FOXK1: variants seen among roughly 807,000 people sequenced by gnomAD.
The protein encoded by FOXK1 is forkhead box protein K1.
Under a neutral mutation model 51.9 loss-of-function variants are expected in FOXK1, and 19 were observed. That is an observed-to-expected ratio of 0.37 (90% CI 0.26 to 0.54). The LOEUF (loss-of-function observed/expected upper bound fraction) is 0.54. Among genes scored for constraint, FOXK1 ranks in the 20% least tolerant of loss-of-function variants. The pLI is 0.87. For synonymous variants in FOXK1, 537 were observed against 482.6 expected, an observed-to-expected ratio of 1.11 and a Z score of -1.48; for missense variants, 870 against 1,032.7, an observed-to-expected ratio of 0.84 and a Z score of 2.16.
intron 1 of FOXK1, among the ~76,000 whole-genome samples, chr7:4,694,439 A>G (rs558226847): frequency 2.6e-5 from 4 of 152,180 alleles, no homozygotes; most frequent in Non-Finnish European, 4.4e-5. Context: ...TACACAGAGA[A>G]TAAAAGCAAT....
chr7:4,722,217 C>T lies in FOXK1; in HGVS notation c.561-18621C>T, dbSNP rs189943954. Reference sequence around the variant, plus strand: ...TGCTGGATTTCACGTCCACGGCCGCCTGGAAATAAATGCCAGCACCGTGCA... The same window carrying T: ...TGCTGGATTTCACGTCCACGGCCGCTTGGAAATAAATGCCAGCACCGTGCA... On this transcript the variant is annotated intron_variant, in intron 1 of 8. Transcript: ENST00000328914. The surrounding 1 kb of genome is among the most constrained non-coding windows in gnomAD (Gnocchi z 5.1). Among the ~76,000 whole-genome samples the T allele has an allele frequency of 6.2e-4, 94 of 152,346 alleles. No individual in the cohort carries two copies. The highest frequency in any genetic ancestry group is 2.3e-3 in the African/African-American group (94 of 41,578).
chr7:4,708,210 G>C (rs537158845), intron 1 of FOXK1, among the ~76,000 whole-genome samples: 1 of 152,290 alleles, frequency 6.6e-6, no homozygotes, highest in East Asian at 1.9e-4. Flanking sequence ...TGGTGCTGAT[G>C]CTGTGTGGCT....
rs1363120983 is a variant in FOXK1, at chr7:4,682,487, T to C, written c.179T>C (p.Leu60Pro). 3 of 1,004,470 alleles carry C rather than the reference T, an allele frequency of 3.0e-6. No individual in the cohort carries two copies. Among genetic ancestry groups the C allele is most frequent in the Non-Finnish European group, 3.6e-6 (3 of 844,624 alleles). 62.2% of individuals were successfully genotyped at this position (1,004,470 alleles called of 1,614,324 possible). A position where few individuals can be genotyped will look rare whatever the true frequency, so the allele number is the denominator to read the frequency against. ...CCGCCGCCGCCGCCGCCACCGCCGC[T>C]GCCTCCGGGCGCGATCGCGGGCGCG... is the stretch of plus-strand genomic sequence containing the variant. ...PGPPPPPPPPLPPGAIAGAGS... is the reference protein window; with the variant it reads ...PGPPPPPPPPPPPGAIAGAGS... Residue 60 changes from leucine (L) to proline (P), a missense_variant, in exon 1 of 9, where the codon CTG becomes CCG. Physicochemically the swap from Leu to Pro is moderately conservative, Grantham distance 98 (BLOSUM62 -3). Transcript: ENST00000328914. The surrounding 1 kb of genome is among the most constrained non-coding windows in gnomAD (Gnocchi z 7.6).
chr7:4,691,490 A>G (rs1015229198), intron 1 of FOXK1, among the ~76,000 whole-genome samples: 2 of 152,056 alleles, frequency 1.3e-5, no homozygotes, highest in African/African-American at 4.8e-5. Flanking sequence ...GCCTGCCACC[A>G]CGCCCAGCTA....
At chr7:4,741,620 C>T (rs1191983066) in intron 2 of FOXK1, among the ~76,000 whole-genome samples, 1 of 152,240 alleles carries the variant, frequency 6.6e-6, no homozygotes, top group Non-Finnish European at 1.5e-5. Context: ...CGTGAGCCAC[C>T]GCGCACGGCT....
chr7:4,689,999 G>C (rs1042776360), intron 1 of FOXK1, among the ~76,000 whole-genome samples: 1 of 152,222 alleles, frequency 6.6e-6, no homozygotes, highest in African/African-American at 2.4e-5. Flanking sequence ...TGAAAACTCA[G>C]GTGGTGCTGT....
Position 4,749,060 on chromosome 7 carries a change from TTCTC to T in FOXK1, c.747-5393_747-5390del, listed in dbSNP as rs1330414799. On this transcript the variant is annotated intron_variant, in intron 2 of 8. Transcript: ENST00000328914. The surrounding 1 kb of genome is among the most constrained non-coding windows in gnomAD (Gnocchi z 6.0). ...GAGTCTCTCATGCCTCTCCTTTCCT[TTCTC>T]TCTCTACTTTCTGAGGGATTTTCTC... 4.6e-5 allele frequency among the ~76,000 whole-genome samples: 7 copies of T among 152,306 alleles called. No homozygotes were observed. Among genetic ancestry groups the T allele is most frequent in the Non-Finnish European group, 8.8e-5 (6 of 68,008 alleles).
intron 1 of FOXK1, among the ~76,000 whole-genome samples, chr7:4,740,172 TG>T (rs1382398674): frequency 2.0e-5 from 3 of 152,148 alleles, no homozygotes; most frequent in African/African-American, 7.2e-5. Flanking sequence ...GGCTCACGCC[TG>T]TAATCCCAGC....
Position 4,682,479 on chromosome 7 carries a change from A to G in FOXK1, c.171A>G (p.Pro57=), listed in dbSNP as rs952995240. 3 of 992,498 alleles carry G rather than the reference A, an allele frequency of 3.0e-6. No individual in the cohort carries two copies. The highest frequency in any genetic ancestry group is 1.8e-5 in the African/African-American group (1 of 56,700). 61.5% of individuals were successfully genotyped at this position (992,498 alleles called of 1,614,324 possible). ...QPPPGPPPPP[P]PPLPPGAIAG... is the part of the protein sequence containing the mutation. Reference sequence around the variant, plus strand: ...CGCCCGGGCCGCCGCCGCCGCCGCCACCGCCGCTGCCTCCGGGCGCGATCG... The same window carrying G: ...CGCCCGGGCCGCCGCCGCCGCCGCCGCCGCCGCTGCCTCCGGGCGCGATCG... The change falls in exon 1 of 9, where the codon CCA becomes CCG. Residue 57 remains proline, a synonymous_variant. Coordinates refer to ENST00000328914, the MANE Select transcript of FOXK1 (RefSeq NM_001037165.2). The surrounding 1 kb of genome is among the most constrained non-coding windows in gnomAD (Gnocchi z 7.6).
intron 5 of FOXK1, among the ~76,000 whole-genome samples, chr7:4,757,608 T>TGGGCGACA (rs1199016017): frequency 8.9e-6 from 1 of 111,826 alleles, no homozygotes; most frequent in African/African-American, 3.6e-5. Flanking sequence ...CACTGCAGCC[T>TGGGCGACA]GGGCGACAAG....
In FOXK1 at chr7:4,682,978, A is replaced by AC. The variant is rs1430207824; in HGVS notation, c.560+116dup. On this transcript the variant is annotated intron_variant, in intron 1 of 8. Coordinates refer to ENST00000328914, the MANE Select transcript of FOXK1 (RefSeq NM_001037165.2). The surrounding 1 kb of genome is among the most constrained non-coding windows in gnomAD (Gnocchi z 7.6). ...TCCAGCTTCCTCGGCCTCGACCCCCACCCCCCGGCCCACCCCCGGTAACCC... is the reference window on the plus strand; with the variant it reads ...TCCAGCTTCCTCGGCCTCGACCCCCACCCCCCCGGCCCACCCCCGGTAACCC... 209 of 976,278 alleles carry AC rather than the reference A, an allele frequency of 2.1e-4. 3 individuals are homozygous for AC. In the Middle Eastern group the frequency reaches 3.9e-3, roughly 18 times the overall value. 60.5% of individuals were successfully genotyped at this position (976,278 alleles called of 1,614,324 possible).
chr7:4,761,298 T>C lies in FOXK1; in HGVS notation c.1921+10T>C, dbSNP rs114866460. The C allele has an allele frequency of 4.6e-3, 7,375 of 1,608,552 alleles. 247 individuals carry two copies. In the African/African-American group the frequency reaches 0.083, roughly 18 times the overall value. On this transcript the variant is annotated intron_variant, in intron 8 of 8. Transcript: ENST00000328914. This position sits in a 1 kb window ranked among gnomAD's most constrained non-coding sequence, Gnocchi z 6.2. The stretch of plus-strand genomic sequence containing the variant: ...GCCGGCAACGCTTACGGTGAGGCCC[T>C]GGCCCTGTTCTCCATGCCACATCCC...
chr7:4,716,336 C>CA (rs1310193155), intron 1 of FOXK1, among the ~76,000 whole-genome samples: 1 of 151,244 alleles, frequency 6.6e-6, no homozygotes, highest in Non-Finnish European at 1.5e-5. Context: ...CCTGTTTCTA[C>CA]AAAAAAAAAT....
At position 4,762,305 on chromosome 7, in the gene FOXK1, C is replaced by G. The variant is rs1420746466; in HGVS notation, c.2043C>G (p.Thr681=). 4 of 1,550,346 alleles carry G rather than the reference C, an allele frequency of 2.6e-6. No individual in the cohort carries two copies. The Admixed American group carries it at 5.9e-5, about 23-fold the overall frequency. ...EPAAAVAATA[T]TTPATATTAS... ...CAGCAGCCGTCGCGGCCACGGCCAC[C>G]ACCACCCCAGCCACTGCCACCACCG... Residue 681 remains threonine, a synonymous_variant, in exon 9 of 9, where the codon ACC becomes ACG. Transcript: ENST00000328914. The surrounding 1 kb of genome is among the most constrained non-coding windows in gnomAD (Gnocchi z 5.7).
At chr7:4,725,130 G>T (rs932117103) in intron 1 of FOXK1, among the ~76,000 whole-genome samples, 1 of 152,254 alleles carries the variant, frequency 6.6e-6, no homozygotes, top group African/African-American at 2.4e-5. Context: ...CCACTGTGCT[G>T]TGCTCTCTCG....
Position 4,747,828 on chromosome 7 carries a change from T to C in FOXK1, c.747-6631T>C, listed in dbSNP as rs1780725203. On this transcript the variant is annotated intron_variant, in intron 2 of 8. Transcript: ENST00000328914. The surrounding 1 kb of genome is among the most constrained non-coding windows in gnomAD (Gnocchi z 9.2). ...TACAAGCCTGGGCCTGTTTTTGTTG[T>C]GGTTGTTGTTGCCTTTGTTGTTTTT... Among the ~76,000 whole-genome samples the C allele has an allele frequency of 6.6e-6, 1 of 152,086 alleles. No individual in the cohort carries two copies. The highest frequency in any genetic ancestry group is 1.5e-5 in the Non-Finnish European group (1 of 68,008).
intron 1 of FOXK1, among the ~76,000 whole-genome samples, chr7:4,687,746 A>G (rs1779839666): frequency 1.3e-5 from 2 of 152,202 alleles, no homozygotes; most frequent in South Asian, 2.1e-4. Context: ...GTATTTTTAT[A>G]GTAAATGTGG....
intron 1 of FOXK1, among the ~76,000 whole-genome samples, chr7:4,717,999 G>A (rs922560183): frequency 2.7e-5 from 4 of 149,214 alleles, no homozygotes; most frequent in African/African-American, 1.0e-4. Context: ...TACTCCCCCT[G>A]TGTGCCATTT....
chr7:4,699,291 T>G (rs1462458216), intron 1 of FOXK1, among the ~76,000 whole-genome samples: 1 of 151,584 alleles, frequency 6.6e-6, no homozygotes, highest in Non-Finnish European at 1.5e-5. Context: ...GTTAGTTTTT[T>G]TTTTTTTTTT....
Sources: allele counts gnomAD v4.1 joint callset (sites outside exome capture counted in the v4.1 genomes callset), GRCh38; gene constraint gnomAD v4.1.1; non-coding constraint Gnocchi (gnomAD v3.1); transcripts MANE v1.5; gene names NCBI Gene and HGNC (gene_info 2026-07-23, HGNC 2026-07-21).